C2orf76: variants seen among roughly 807,000 people sequenced by gnomAD.
C2orf76 encodes UPF0538 protein C2orf76.
A neutral mutation model predicts 16.9 loss-of-function variants in C2orf76; 23 were observed. That is an observed-to-expected ratio of 1.36 (90% CI 0.98 to 1.93). The LOEUF is 1.93. Ranked by LOEUF, C2orf76 falls within the 30% of genes most tolerant of loss-of-function variation. C2orf76 has a pLI of 0.00. For synonymous variants in C2orf76, 48 were observed against 52.3 expected (o/e 0.92, Z 0.35); for missense variants, 152 against 152.6 (o/e 1.00, Z 0.02).
intron 2 of C2orf76, among the ~76,000 whole-genome samples, chr2:119,325,990 T>C (rs1679499228): frequency 6.6e-6 from 1 of 152,242 alleles, no homozygotes; most frequent in South Asian, 2.1e-4. Flanking sequence ...TAATAGTTCC[T>C]TGTTGGATGT....
chr2:119,300,269 C>T (rs948657614), downstream of C2orf76, among the ~76,000 whole-genome samples: 3 of 152,206 alleles, frequency 2.0e-5, no homozygotes, highest in African/African-American at 7.2e-5. Flanking sequence ...ATGGTAACAC[C>T]AAGAACCTCC....
chr2:119,350,997 A>T (rs1037171852), intron 1 of C2orf76, among the ~76,000 whole-genome samples: 2 of 152,186 alleles, frequency 1.3e-5, no homozygotes, highest in African/African-American at 4.8e-5. Flanking sequence ...ACATCACTAC[A>T]GTTGATTCTG....
At chr2:119,327,872 T>G (rs528424777) in intron 2 of C2orf76, among the ~76,000 whole-genome samples, 1 of 151,886 alleles carries the variant, frequency 6.6e-6, no homozygotes, top group Non-Finnish European at 1.5e-5. Context: ...TAAATATTGT[T>G]GGATTTGATT....
At chr2:119,308,974 TA>T in intron 5 of C2orf76, among the ~76,000 whole-genome samples, 1 of 152,352 alleles carries the variant, frequency 6.6e-6, no homozygotes, top group East Asian at 1.9e-4. Flanking sequence ...TCATGTCTGC[TA>T]ATCTTATAAC....
intron 2 of C2orf76, among the ~76,000 whole-genome samples, chr2:119,331,142 T>C (rs1471251096): frequency 1.3e-5 from 2 of 152,226 alleles, no homozygotes; most frequent in Non-Finnish European, 2.9e-5. Context: ...TGGATATTTC[T>C]GTATTCCTGT....
At chr2:119,283,041 C>T in the C2orf76 span, among the ~76,000 whole-genome samples, 1 of 152,162 alleles carries the variant, frequency 6.6e-6, no homozygotes, top group Non-Finnish European at 1.5e-5. Context: ...AGCCACTCTG[C>T]GGGGATGTCA....
chr2:119,314,344 C>G (rs1329737655), intron 4 of C2orf76, among the ~76,000 whole-genome samples: 1 of 152,092 alleles, frequency 6.6e-6, no homozygotes, highest in Non-Finnish European at 1.5e-5. Flanking sequence ...CTATCCTCAT[C>G]TATGGGTTTA....
intron 1 of C2orf76, among the ~76,000 whole-genome samples, chr2:119,350,094 G>C (rs1008155837): frequency 4.3e-5 from 2 of 46,302 alleles, no homozygotes; most frequent in East Asian, 4.8e-4. Flanking sequence ...ACCGTCCCGC[G>C]TAAGTGTTTG....
chr2:119,339,864 G>C lies in C2orf76; in HGVS notation c.96C>G (p.Asp32Glu). Reference sequence around the variant, plus strand: ...ATACGATAAATTCCTTTACAGTTTGGTCCAAATTCACTCCGTGATACACTA... The same window carrying C: ...ATACGATAAATTCCTTTACAGTTTGCTCCAAATTCACTCCGTGATACACTA... Reference protein sequence around the residue: ...KPVVYHGVNLDQTVKEFIVFL... With the variant: ...KPVVYHGVNLEQTVKEFIVFL... The change falls in exon 2 of 6, where the codon GAC (aspartate) becomes GAG (glutamate). Residue 32 changes from aspartate to glutamate, a missense_variant. Asp to Glu is a conservative substitution (Grantham distance 45). Coordinates refer to ENST00000334816, the MANE Select transcript of C2orf76 (RefSeq NM_001322331.2). 6.2e-7 allele frequency: 1 copy of C among 1,609,932 alleles called. No individual in the cohort carries two copies. The highest frequency in any genetic ancestry group is 1.7e-5 in the Admixed American group (1 of 59,956).
chr2:119,341,746 A>G (rs1304578073), intron 1 of C2orf76, among the ~76,000 whole-genome samples: 1 of 152,214 alleles, frequency 6.6e-6, no homozygotes, highest in Non-Finnish European at 1.5e-5. Flanking sequence ...AAATACCTGT[A>G]ATACTGATAA....
chr2:119,363,208 A>T (rs1680800438), intron 1 of C2orf76, among the ~76,000 whole-genome samples: 1 of 152,026 alleles, frequency 6.6e-6, no homozygotes, highest in Non-Finnish European at 1.5e-5. Flanking sequence ...GCGGATCACG[A>T]GGTCAGGAGA....
At chr2:119,311,205 C>T (rs1242362901) in intron 5 of C2orf76, 21 of 985,282 alleles carry the variant, frequency 2.1e-5, no homozygotes, top group Admixed American at 6.1e-5. Flanking sequence ...CTGAGTGATT[C>T]GGAAGACTAT....
chr2:119,336,695 A>AAAAG (rs767847932), intron 2 of C2orf76, among the ~76,000 whole-genome samples: 10 of 152,110 alleles, frequency 6.6e-5, no homozygotes. Context: ...ATTTAATTTA[A>AAAAG]AAAGAAAGAA....
intron 2 of C2orf76, among the ~76,000 whole-genome samples, chr2:119,332,944 G>T (rs1231161546): frequency 6.6e-6 from 1 of 152,152 alleles, no homozygotes; most frequent in Admixed American, 6.5e-5. Flanking sequence ...TGTTGCTCAG[G>T]CTGGTCTCGA....
the C2orf76 span, among the ~76,000 whole-genome samples, chr2:119,289,387 C>T: frequency 1.3e-5 from 2 of 152,028 alleles, no homozygotes; most frequent in African/African-American, 4.8e-5. Context: ...GCTGTGGTGT[C>T]TGCATTAAAG....
intron 1 of C2orf76, among the ~76,000 whole-genome samples, chr2:119,352,572 G>A (rs1680439133): frequency 6.6e-6 from 1 of 152,220 alleles, no homozygotes; most frequent in Admixed American, 6.5e-5. Context: ...GCTGTAGCCA[G>A]TCAGACTATT....
chr2:119,366,853 G>A (rs1681031108), upstream of C2orf76: 1 of 681,438 alleles, frequency 1.5e-6, no homozygotes, highest in Non-Finnish European at 2.4e-6. Context: ...GTGGGCTCGG[G>A]CGGGGCTAGC....
At chr2:119,330,220 G>A (rs112738428) in intron 2 of C2orf76, among the ~76,000 whole-genome samples, 16,044 of 151,682 alleles carry the variant, frequency 0.11, 965 homozygotes, top group South Asian at 0.16. Flanking sequence ...CTAAAAATAC[G>A]AAAAAAATTA....
chr2:119,291,134 G>A, the C2orf76 span, among the ~76,000 whole-genome samples: 8 of 152,032 alleles, frequency 5.3e-5, no homozygotes, highest in African/African-American at 1.4e-4. Flanking sequence ...GGACTTCTCC[G>A]CGTAACGAGG....
Sources: allele counts gnomAD v4.1 joint callset (sites outside exome capture counted in the v4.1 genomes callset), GRCh38; gene constraint gnomAD v4.1.1; transcripts MANE v1.5; gene names NCBI Gene and HGNC (gene_info 2026-07-23, HGNC 2026-07-21).